The following FOXO3 variants were observed in gnomAD, a reference collection of about 807,000 sequenced individuals.
FOXO3 encodes forkhead box protein O3.
In FOXO3, 4 loss-of-function variants were observed where a neutral mutation model predicts 41.9. The observed-to-expected ratio is 0.10, with a 90% CI of 0.05 to 0.22. The LOEUF is 0.22. Among genes scored for constraint, FOXO3 ranks in the 10% least tolerant of loss-of-function variants. The pLI, the probability that FOXO3 is intolerant of heterozygous loss-of-function variation, is 1.00. For missense variants in FOXO3, 534 were observed against 906.8 expected (o/e 0.59, Z 5.28); for synonymous variants, 318 against 389.3 (o/e 0.82, Z 2.16).
chr6:108,639,565 G>A (rs973306872), intron 1 of FOXO3: 2 of 985,208 alleles, frequency 2.0e-6, no homozygotes, highest in African/African-American at 1.7e-5. Context: ...AATGACAGTG[G>A]CCCTTCAGAA....
At chr6:108,608,750 G>T (rs938422776) in intron 1 of FOXO3, among the ~76,000 whole-genome samples, 1 of 152,144 alleles carries the variant, frequency 6.6e-6, no homozygotes, top group Non-Finnish European at 1.5e-5. Context: ...CTTTTACAGG[G>T]TTTCACATTT....
chr6:108,679,488 A>G (rs1315499147), intron 2 of FOXO3, among the ~76,000 whole-genome samples: 1 of 152,174 alleles, frequency 6.6e-6, no homozygotes, highest in Non-Finnish European at 1.5e-5. Flanking sequence ...ACAGAATCTT[A>G]TCTGCACCTT....
intron 1 of FOXO3, among the ~76,000 whole-genome samples, chr6:108,611,169 T>G (rs1267052158): frequency 1.3e-5 from 2 of 152,232 alleles, no homozygotes; most frequent in Non-Finnish European, 2.9e-5. Flanking sequence ...TCCATGCCTT[T>G]TGTCAGTGGC....
chr6:108,581,812 G>C (rs1776427118), intron 1 of FOXO3, among the ~76,000 whole-genome samples: 1 of 152,154 alleles, frequency 6.6e-6, no homozygotes, highest in African/African-American at 2.4e-5. Flanking sequence ...AAAGGAACGA[G>C]AGGAAAGAAA....
chr6:108,648,293 G>A (rs1778448814), intron 1 of FOXO3, among the ~76,000 whole-genome samples: 1 of 152,178 alleles, frequency 6.6e-6, no homozygotes, highest in Non-Finnish European at 1.5e-5. Flanking sequence ...TCTTGTATTG[G>A]TGGAAGAGGA....
At chr6:108,610,935 C>G (rs148173100) in intron 1 of FOXO3, among the ~76,000 whole-genome samples, 1,590 of 152,274 alleles carry the variant, frequency 0.01, 26 homozygotes, top group African/African-American at 0.025. Flanking sequence ...TGAATGTGTA[C>G]AGTTGTATAA....
chr6:108,616,866 A>G (rs1311695635), intron 1 of FOXO3, among the ~76,000 whole-genome samples: 4 of 152,224 alleles, frequency 2.6e-5, no homozygotes, highest in African/African-American at 9.7e-5. Flanking sequence ...GACATTTCAT[A>G]TCAATGGAAT....
chr6:108,608,236 A>C (rs539418385), intron 1 of FOXO3, among the ~76,000 whole-genome samples: 1 of 152,368 alleles, frequency 6.6e-6, no homozygotes, highest in African/African-American at 2.4e-5. Flanking sequence ...TCTTTAGAAC[A>C]CTTGAGTGAG....
rs1264176930 is a variant in FOXO3, at chr6:108,663,578, C to T, written c.745C>T (p.Arg249Trp). 3.1e-6 allele frequency: 5 copies of T among 1,613,462 alleles called. No individual in the cohort carries two copies. The highest frequency in any genetic ancestry group is 2.7e-5 in the African/African-American group (2 of 74,894). ...GGGGAAGAGCGGAAAAGCCCCCCGGCGGCGGGCTGTCTCCATGGACAATAG... is the reference window on the plus strand; with the variant it reads ...GGGGAAGAGCGGAAAAGCCCCCCGGTGGCGGGCTGTCTCCATGGACAATAG... ...DGGKSGKAPR[R>W]RAVSMDNSNK... is the part of the protein sequence containing the mutation. The change falls in exon 2 of 3, where the codon CGG (arginine) becomes TGG (tryptophan). Residue 249 changes from arginine to tryptophan, a missense_variant. Physicochemically the swap from Arg to Trp is moderately radical, Grantham distance 101. Around this residue, in one of 8 missense-constraint regions of FOXO3, gnomAD observed 77 missense variants for 193.2 expected, o/e 0.40. Transcript: ENST00000406360.
At chr6:108,569,469 G>A (rs1039054571) in intron 1 of FOXO3, among the ~76,000 whole-genome samples, 1 of 152,242 alleles carries the variant, frequency 6.6e-6, no homozygotes, top group Non-Finnish European at 1.5e-5. Context: ...TCTGATTGGA[G>A]TGTGTTTCAA....
chr6:108,561,844 C>T lies in FOXO3; in HGVS notation c.621+15C>T, dbSNP rs546834626. On this transcript the variant is annotated intron_variant, in intron 1 of 2. Coordinates refer to ENST00000406360, the MANE Select transcript of FOXO3 (RefSeq NM_001455.4). ...CCGGCTGGAAGGTGCGTACCCACCC[C>T]GGGCTGGCAGCAGGACCCGCCGGGC... The T allele has an allele frequency of 5.9e-6, 9 of 1,522,604 alleles. No individual in the cohort carries two copies. The highest frequency in any genetic ancestry group is 3.7e-4 in the Middle Eastern group (2 of 5,470). 94.3% of individuals were successfully genotyped at this position (1,522,604 alleles called of 1,614,324 possible). A position where few individuals can be genotyped will look rare whatever the true frequency, so the allele number is the denominator to read the frequency against.
intron 1 of FOXO3, among the ~76,000 whole-genome samples, chr6:108,633,596 C>T (rs1778034321): frequency 1.3e-5 from 2 of 152,086 alleles, no homozygotes; most frequent in Non-Finnish European, 2.9e-5. Context: ...AGGTCAAATA[C>T]TTAGGTCATT....
intron 1 of FOXO3, among the ~76,000 whole-genome samples, chr6:108,590,700 G>C (rs1020581455): frequency 1.3e-5 from 2 of 152,190 alleles, no homozygotes; most frequent in Non-Finnish European, 2.9e-5. Context: ...ATAGACAAAA[G>C]AAAAGTACTT....
chr6:108,589,276 A>C (rs1489093776), intron 1 of FOXO3, among the ~76,000 whole-genome samples: 1 of 152,198 alleles, frequency 6.6e-6, no homozygotes, highest in African/African-American at 2.4e-5. Context: ...CACGCAGCCC[A>C]CATTTTGGAG....
At chr6:108,584,680 A>G (rs1166921452) in intron 1 of FOXO3, among the ~76,000 whole-genome samples, 1 of 152,302 alleles carries the variant, frequency 6.6e-6, no homozygotes, top group African/African-American at 2.4e-5. Flanking sequence ...GAATCTTGCC[A>G]TCTGGAAACT....
upstream of FOXO3, among the ~76,000 whole-genome samples, chr6:108,560,419 G>T (rs1422596306): frequency 1.3e-5 from 2 of 152,234 alleles, no homozygotes; most frequent in Admixed American, 1.3e-4. Context: ...CTGGGCTGCT[G>T]CTCCCCCTTC....
intron 1 of FOXO3, among the ~76,000 whole-genome samples, chr6:108,579,685 G>GA (rs1301431042): frequency 6.6e-6 from 1 of 152,114 alleles, no homozygotes; most frequent in Non-Finnish European, 1.5e-5. Flanking sequence ...GGGGCAAGGA[G>GA]AGAGGGTATC....
chr6:108,648,173 A>G (rs919740202), intron 1 of FOXO3, among the ~76,000 whole-genome samples: 7 of 152,156 alleles, frequency 4.6e-5, no homozygotes, highest in Non-Finnish European at 7.4e-5. Context: ...AGGACTCCAT[A>G]ATGGAATCTG....
chr6:108,648,270 A>G (rs1047026339), intron 1 of FOXO3, among the ~76,000 whole-genome samples: 6 of 152,230 alleles, frequency 3.9e-5, no homozygotes, highest in African/African-American at 1.4e-4. Flanking sequence ...AGGAATGGAC[A>G]TAAGGTGTCT....
Sources: allele counts gnomAD v4.1 joint callset (sites outside exome capture counted in the v4.1 genomes callset), GRCh38; gene constraint gnomAD v4.1.1; regional missense constraint gnomAD v4.1.1; transcripts MANE v1.5; gene names NCBI Gene and HGNC (gene_info 2026-07-23, HGNC 2026-07-21).